The following RGS6 variants were observed in gnomAD, a reference collection of about 807,000 sequenced individuals.
The protein encoded by RGS6 is regulator of G protein signaling 6, also known as regulator of G-protein signaling 6.
In RGS6, 30 loss-of-function variants were observed where a neutral mutation model predicts 78.5. The ratio of observed to expected loss-of-function variants is 0.38; its 90% CI spans 0.29 to 0.52. RGS6 has a LOEUF of 0.52. Among genes scored for constraint, RGS6 ranks in the 20% least tolerant of loss-of-function variants. RGS6 has a pLI of 0.85. For synonymous variants in RGS6, 206 were observed against 206.0 expected (o/e 1.00, Z 0.00); for missense variants, 495 against 609.7 (o/e 0.81, Z 1.98).
the RGS6 span, among the ~76,000 whole-genome samples, chr14:72,621,336 G>GC: frequency 4.4e-3 from 672 of 151,924 alleles, 8 homozygotes; most frequent in African/African-American, 0.016. Flanking sequence ...TTGTGATCTG[G>GC]CCCCACCCCC....
intron 2 of RGS6, among the ~76,000 whole-genome samples, chr14:72,105,512 T>C (rs2095615595): frequency 6.6e-6 from 1 of 152,224 alleles, no homozygotes; most frequent in South Asian, 2.1e-4. Context: ...CAAGTTTTTT[T>C]CTGAAAATTC....
intron 3 of RGS6, among the ~76,000 whole-genome samples, chr14:72,372,033 A>G (rs531679591): frequency 2.2e-4 from 33 of 152,346 alleles, no homozygotes; most frequent in African/African-American, 7.0e-4. Context: ...CAGAAAGTGT[A>G]TACACATTAT....
intron 1 of RGS6, among the ~76,000 whole-genome samples, chr14:71,960,528 G>T (rs2093114026): frequency 6.6e-6 from 1 of 152,182 alleles, no homozygotes; most frequent in African/African-American, 2.4e-5. Flanking sequence ...TATGTGCCAG[G>T]TTCTGCTCTA....
intron 15 of RGS6, among the ~76,000 whole-genome samples, chr14:72,528,210 T>C (rs1353540646): frequency 6.6e-6 from 1 of 152,204 alleles, no homozygotes. Context: ...GAGCAAAATA[T>C]TGATTTTCAG....
At position 72,566,528 on chromosome 14, in the gene RGS6, C is replaced by T. The variant is rs1300246343; in HGVS notation, c.*4061C>T. ...ATAAATGACTTGAACCCACTTCAAT[C>T]CAGCTAACTCTGTGTGGCTCCTTGG... On this transcript the variant is annotated 3_prime_UTR_variant, in exon 18 of 18. Coordinates refer to ENST00000553525, the MANE Select transcript of RGS6 (RefSeq NM_001204424.2). 1.3e-5 allele frequency: 2 copies of T among 152,156 alleles called. No homozygotes were observed. Among genetic ancestry groups the T allele is most frequent in the Admixed American group, 1.3e-4 (2 of 15,274 alleles). The allele number at this position is 152,156 out of a possible 1,614,324, so 9.4% of individuals were successfully genotyped here.
chr14:72,154,532 G>A (rs2096743427), intron 2 of RGS6, among the ~76,000 whole-genome samples: 1 of 152,174 alleles, frequency 6.6e-6, no homozygotes. Flanking sequence ...ACTTCCAACA[G>A]CTGGGGACCA....
At position 72,181,309 on chromosome 14, in the gene RGS6, T is replaced by A. The variant is rs542459193; in HGVS notation, c.85-170786T>A. Reference sequence around the variant, plus strand: ...GTGATTATTATGCCTCAGGGACAAGTCATATTTAAGACCTGATAGTTTGAT... The same window carrying A: ...GTGATTATTATGCCTCAGGGACAAGACATATTTAAGACCTGATAGTTTGAT... On this transcript the variant is annotated intron_variant, in intron 2 of 17. Coordinates refer to ENST00000553525, the MANE Select transcript of RGS6 (RefSeq NM_001204424.2). Among the ~76,000 whole-genome samples the A allele has an allele frequency of 2.6e-5, 4 of 152,288 alleles. No individual in the cohort carries two copies. The South Asian group carries it at 8.3e-4, about 32-fold the overall frequency.
At chr14:72,099,707 A>G (rs1489715675) in intron 2 of RGS6, among the ~76,000 whole-genome samples, 3 of 152,186 alleles carry the variant, frequency 2.0e-5, no homozygotes, top group Non-Finnish European at 4.4e-5. Flanking sequence ...TGACCATGTA[A>G]GGAACTCTCT....
intron 2 of RGS6, among the ~76,000 whole-genome samples, chr14:72,117,712 T>G (rs74900090): frequency 6.6e-6 from 1 of 152,142 alleles, no homozygotes; most frequent in African/African-American, 2.4e-5. Context: ...TAACTCTGGC[T>G]ACTCAGGGCA....
chr14:71,967,348 T>G (rs2093585257), intron 2 of RGS6, among the ~76,000 whole-genome samples: 1 of 152,134 alleles, frequency 6.6e-6, no homozygotes, highest in Non-Finnish European at 1.5e-5. Context: ...CTGACTGACT[T>G]AAACCATGGT....
At chr14:72,215,965 T>C (rs1006609892) in intron 2 of RGS6, among the ~76,000 whole-genome samples, 2 of 152,240 alleles carry the variant, frequency 1.3e-5, no homozygotes, top group East Asian at 3.8e-4. Context: ...CTTTATTTTC[T>C]ATACTCCCTC....
intron 2 of RGS6, among the ~76,000 whole-genome samples, chr14:72,246,959 G>A (rs1341910930): frequency 6.6e-6 from 1 of 151,944 alleles, no homozygotes; most frequent in Non-Finnish European, 1.5e-5. Context: ...GAGGAGGAGG[G>A]TCTTAAATGA....
chr14:71,955,052 C>T (rs374114877), intron 1 of RGS6, among the ~76,000 whole-genome samples: 4 of 152,152 alleles, frequency 2.6e-5, no homozygotes, highest in East Asian at 1.9e-4. Flanking sequence ...TGAGGTTTTA[C>T]TTAATCTGGC....
At chr14:72,501,555 A>T (rs1407746884) in intron 13 of RGS6, among the ~76,000 whole-genome samples, 1 of 152,232 alleles carries the variant, frequency 6.6e-6, no homozygotes, top group Non-Finnish European at 1.5e-5. Context: ...AATTAAAGAA[A>T]ATAGTGATTG....
At chr14:72,020,186 A>G (rs969072957) in intron 2 of RGS6, among the ~76,000 whole-genome samples, 3 of 152,206 alleles carry the variant, frequency 2.0e-5, no homozygotes, top group African/African-American at 7.2e-5. Flanking sequence ...AATTAGCTTG[A>G]TGTTTGGTCT....
intron 1 of RGS6, among the ~76,000 whole-genome samples, chr14:71,937,013 A>G (rs1414439461): frequency 2.6e-5 from 4 of 152,162 alleles, no homozygotes; most frequent in Admixed American, 1.3e-4. Flanking sequence ...GGGCTGTTGT[A>G]GTTTCCTGTT....
intron 2 of RGS6, among the ~76,000 whole-genome samples, chr14:72,015,192 A>AGTGTGAG (rs1462336845): frequency 1.3e-5 from 2 of 152,216 alleles, no homozygotes; most frequent in Non-Finnish European, 2.9e-5. Context: ...AGGGGAAACC[A>AGTGTGAG]GTGTGAGCAG....
At chr14:72,050,609 A>G (rs939835074) in intron 2 of RGS6, among the ~76,000 whole-genome samples, 3 of 152,216 alleles carry the variant, frequency 2.0e-5, no homozygotes, top group Non-Finnish European at 4.4e-5. Flanking sequence ...AAGATTATAT[A>G]TCTGAAGAGG....
At chr14:71,899,347 T>C in the RGS6 span, among the ~76,000 whole-genome samples, 1 of 152,222 alleles carries the variant, frequency 6.6e-6, no homozygotes, top group Admixed American at 6.5e-5. Context: ...GTTCCACCAA[T>C]TTCAGCAAAT....
Sources: gnomAD v4.1 joint callset for allele counts (sites outside exome capture counted in the v4.1 genomes callset) on GRCh38, gnomAD v4.1.1 for gene constraint, MANE v1.5 for transcripts, NCBI Gene and HGNC (gene_info 2026-07-23, HGNC 2026-07-21) for gene names.